Variants in FGD6 observed in about 807,000 individuals in gnomAD.
FGD6 encodes the protein FYVE, RhoGEF and PH domain-containing protein 6.
A neutral mutation model predicts 149.4 loss-of-function variants in FGD6; 90 were observed. The ratio of observed to expected loss-of-function variants is 0.60; its 90% CI spans 0.51 to 0.72. The LOEUF (loss-of-function observed/expected upper bound fraction) is 0.72. Among genes scored for constraint, FGD6 ranks in the 30% least tolerant of loss-of-function variants. The pLI, the probability that FGD6 is intolerant of heterozygous loss-of-function variation, is 0.00. For synonymous variants in FGD6, 527 were observed against 584.0 expected, an observed-to-expected ratio of 0.90 and a Z score of 1.41; for missense variants, 1,437 against 1,684.8, an observed-to-expected ratio of 0.85 and a Z score of 2.57.
intron 8 of FGD6, among the ~76,000 whole-genome samples, chr12:95,132,146 CA>C (rs963950964): frequency 6.6e-6 from 1 of 152,042 alleles, no homozygotes; most frequent in Non-Finnish European, 1.5e-5. Flanking sequence ...TATTATAAAA[CA>C]AAATTCTTCT....
intron 2 of FGD6, among the ~76,000 whole-genome samples, chr12:95,202,250 T>C (rs1340437410): frequency 1.3e-5 from 2 of 151,676 alleles, no homozygotes; most frequent in African/African-American, 2.4e-5. Context: ...TAGCTGGGCA[T>C]AGTGGCAGTG....
chr12:95,137,046 G>A (rs1879686558), intron 7 of FGD6, among the ~76,000 whole-genome samples: 1 of 152,222 alleles, frequency 6.6e-6, no homozygotes, highest in Non-Finnish European at 1.5e-5. Context: ...GGGAGGCCGA[G>A]CAGGGTGGAT....
In FGD6 at chr12:95,107,423, A is replaced by AT; in HGVS notation, c.3333+139dup. On this transcript the variant is annotated intron_variant, in intron 12 of 20. Transcript: ENST00000343958. ...CGTTATTTCCCATACTTGAAATGCA[A>AT]TTAAGTGGTACGGCCAGTTCAAGAA... 7.5e-6 allele frequency: 5 copies of AT among 669,466 alleles called. No homozygotes were observed. In the South Asian group the frequency reaches 1.0e-4, roughly 14 times the overall value. 41.5% of individuals were successfully genotyped at this position (669,466 alleles called of 1,614,324 possible).
intron 5 of FGD6, among the ~76,000 whole-genome samples, chr12:95,147,308 T>C (rs1197777154): frequency 6.6e-6 from 1 of 152,166 alleles, no homozygotes; most frequent in Non-Finnish European, 1.5e-5. Flanking sequence ...AAATTATTCT[T>C]CCCTCTCTAT....
intron 2 of FGD6, among the ~76,000 whole-genome samples, chr12:95,192,269 G>A (rs1881612226): frequency 6.6e-6 from 1 of 152,146 alleles, no homozygotes; most frequent in Non-Finnish European, 1.5e-5. Flanking sequence ...ATTTTTTAGG[G>A]GGGAAGCAGA....
intron 8 of FGD6, chr12:95,126,255 A>C (rs1879335995): frequency 1.5e-6 from 2 of 1,311,078 alleles, no homozygotes; most frequent in East Asian, 2.4e-5. Context: ...CGCTGTGGGC[A>C]AGAAGGCTCC....
At chr12:95,117,118 T>C (rs532356160) in intron 8 of FGD6, 1 of 240,738 alleles carries the variant, frequency 4.2e-6, no homozygotes, top group Admixed American at 4.9e-5. Flanking sequence ...TCATTTCAGT[T>C]TGCCATGTTA....
chr12:95,110,891 C>T (rs569506880), intron 9 of FGD6, among the ~76,000 whole-genome samples: 105 of 152,270 alleles, frequency 6.9e-4, no homozygotes, highest in African/African-American at 2.5e-3. Context: ...TTAAGAGGCC[C>T]TGATGCCTCT....
At chr12:95,135,327 T>C (rs1879636704) in intron 7 of FGD6, among the ~76,000 whole-genome samples, 1 of 152,190 alleles carries the variant, frequency 6.6e-6, no homozygotes, top group Non-Finnish European at 1.5e-5. Flanking sequence ...AAAGTAAAGA[T>C]AACCTGAAAA....
chr12:95,189,453 C>G (rs1379747597), intron 2 of FGD6: 2 of 152,102 alleles, frequency 1.3e-5, no homozygotes, highest in East Asian at 1.9e-4. Flanking sequence ...TCGAGACCAG[C>G]CTTGGCAACA....
At chr12:95,118,393 A>C (rs1183548913) in intron 8 of FGD6, among the ~76,000 whole-genome samples, 4 of 151,588 alleles carry the variant, frequency 2.6e-5, no homozygotes, top group Non-Finnish European at 5.9e-5. Flanking sequence ...ATGAGGACCC[A>C]ATATATACTA....
intron 3 of FGD6, among the ~76,000 whole-genome samples, chr12:95,154,547 G>A (rs1198687879): frequency 6.6e-6 from 1 of 152,148 alleles, no homozygotes; most frequent in Non-Finnish European, 1.5e-5. Context: ...GAACAAGCAA[G>A]TATAAATTTT....
chr12:95,129,566 G>A (rs1879457602), intron 8 of FGD6, among the ~76,000 whole-genome samples: 1 of 152,196 alleles, frequency 6.6e-6, no homozygotes, highest in South Asian at 2.1e-4. Flanking sequence ...AGGCTGCTCT[G>A]ATAACTACAA....
chr12:95,083,030 T>TATATATATATATATATATATATATACAC (rs772685891), intron 20 of FGD6, among the ~76,000 whole-genome samples: 1 of 56,594 alleles, frequency 1.8e-5, no homozygotes, highest in East Asian at 4.1e-4. Context: ...TATATATATA[T>TATATATATATATATATATATATATACAC]ACACACACAT....
chr12:95,146,660 T>C (rs1424687799), intron 5 of FGD6, among the ~76,000 whole-genome samples: 1 of 152,182 alleles, frequency 6.6e-6, no homozygotes, highest in Non-Finnish European at 1.5e-5. Context: ...ACCTACACTG[T>C]AGTTTCTGGT....
At chr12:95,158,397 G>A (rs920174347) in intron 3 of FGD6, among the ~76,000 whole-genome samples, 26 of 150,422 alleles carry the variant, frequency 1.7e-4, no homozygotes, top group Admixed American at 6.0e-4. Context: ...GGATGGTCTC[G>A]ATCTCCTGGC....
At position 95,091,674 on chromosome 12, in the gene FGD6, G is replaced by T. The variant is rs764736590; in HGVS notation, c.3850+33C>A. On this transcript the variant is annotated intron_variant, in intron 17 of 20. Transcript: ENST00000343958. ...GTTTGAAAGCATCTGGGGAATAAAG[G>T]AATTTTTGGTTAAATCCTTACTTAT... 3.9e-6 allele frequency: 6 copies of T among 1,529,854 alleles called. No homozygotes were observed. The East Asian group carries it at 9.1e-5, about 23-fold the overall frequency. The allele number at this position is 1,529,854 out of a possible 1,614,324, so 94.8% of individuals were successfully genotyped here. A position where few individuals can be genotyped will look rare whatever the true frequency, so the allele number is the denominator to read the frequency against.
At chr12:95,150,497 G>A (rs1052757195) in intron 5 of FGD6, among the ~76,000 whole-genome samples, 1 of 152,026 alleles carries the variant, frequency 6.6e-6, no homozygotes, top group Admixed American at 6.6e-5. Flanking sequence ...TCAGGGCAGA[G>A]CAGCAAATAT....
rs1007188931 is a variant in FGD6, at chr12:95,100,063, C to G, written c.3497+4944G>C. On this transcript the variant is annotated intron_variant, in intron 14 of 20. Transcript: ENST00000343958. ...AGAGATAACTTTTCTGATCCCCCCC[C>G]CCCCCACCCCATATAAGTTCTTGAC... Among the ~76,000 whole-genome samples, 3 of 139,662 alleles carry G rather than the reference C, an allele frequency of 2.1e-5. No individual in the cohort carries two copies. In the East Asian group the frequency reaches 7.0e-4, roughly 33 times the overall value. The allele number at this position is 139,662 out of a possible 152,430, so 91.6% of individuals were successfully genotyped here.
Sources: gnomAD v4.1 joint callset for allele counts (sites outside exome capture counted in the v4.1 genomes callset) on GRCh38, gnomAD v4.1.1 for gene constraint, MANE v1.5 for transcripts, NCBI Gene and HGNC (gene_info 2026-07-23, HGNC 2026-07-21) for gene names.